Variants in PHGDH observed in about 807,000 individuals in gnomAD.
PHGDH encodes the protein phosphoglycerate dehydrogenase.
PHGDH carries 50 observed loss-of-function variants against 52.6 expected under a neutral mutation model. The ratio of observed to expected loss-of-function variants is 0.95; its 90% CI spans 0.76 to 1.20. The LOEUF is 1.20. PHGDH is among the 50% of genes most tolerant of loss of function. The pLI is 0.00. For synonymous variants in PHGDH, 271 were observed against 280.5 expected, an observed-to-expected ratio of 0.97 and a Z score of 0.34; for missense variants, 630 against 684.6, an observed-to-expected ratio of 0.92 and a Z score of 0.89.
intron 5 of PHGDH, among the ~76,000 whole-genome samples, chr1:119,731,825 A>T (rs587638870): frequency 1.0e-3 from 156 of 152,242 alleles, no homozygotes; most frequent in Non-Finnish European, 6.3e-4. Flanking sequence ...ATGCTTAGCT[A>T]TTCCAAAGAC....
chr1:119,735,492 CAG>C, intron 7 of PHGDH, 49 bp downstream of exon 7: 5 of 1,564,472 alleles, frequency 3.2e-6, no homozygotes, highest in Non-Finnish European at 4.4e-6. Flanking sequence ...AGATAGGGAG[CAG>C]AGAGGCCCAT....
intron 5 of PHGDH, among the ~76,000 whole-genome samples, chr1:119,732,593 C>T (rs74765843): frequency 9.8e-5 from 15 of 152,332 alleles, no homozygotes; most frequent in African/African-American, 3.4e-4. Flanking sequence ...CTCTTCTCTG[C>T]CCTGGTTATC....
intron 3 of PHGDH, among the ~76,000 whole-genome samples, chr1:119,725,789 T>G (rs1037491922): frequency 1.3e-5 from 2 of 152,218 alleles, no homozygotes; most frequent in Non-Finnish European, 2.9e-5. Context: ...GGCATCAGGT[T>G]AAAGGCCTAC....
chr1:119,741,535 G>A (rs1378472105), intron 9 of PHGDH, among the ~76,000 whole-genome samples: 1 of 152,170 alleles, frequency 6.6e-6, no homozygotes, highest in Non-Finnish European at 1.5e-5. Context: ...GCTGAGTTTT[G>A]GAGAGGAGTT....
At chr1:119,741,976 C>G (rs1299201445) in intron 10 of PHGDH, 79 bp downstream of exon 10, 2 of 1,272,840 alleles carry the variant, frequency 1.6e-6, no homozygotes, top group Non-Finnish European at 2.3e-6. Context: ...AGCCCGTTCT[C>G]TGAGCGGAGG....
chr1:119,728,112 T>C (rs1254095712), intron 5 of PHGDH, among the ~76,000 whole-genome samples: 1 of 152,164 alleles, frequency 6.6e-6, no homozygotes, highest in Non-Finnish European at 1.5e-5. Flanking sequence ...AAAATCAAAG[T>C]GCACAGGCTG....
intron 3 of PHGDH, chr1:119,724,438 C>A (rs45488800): frequency 0.11 from 29,611 of 279,800 alleles, 1,795 homozygotes; most frequent in South Asian, 0.13. Flanking sequence ...CAGTTTCCAT[C>A]TGAGCTCTCT....
intron 1 of PHGDH, chr1:119,720,778 T>A (rs587762308): frequency 3.3e-6 from 1 of 299,196 alleles, no homozygotes; most frequent in African/African-American, 2.2e-5. Flanking sequence ...TGTGCAGGAA[T>A]GATAGGGTAT....
intron 6 of PHGDH, chr1:119,734,983 G>C (rs1651868609): frequency 1.6e-6 from 1 of 635,486 alleles, no homozygotes; most frequent in Non-Finnish European, 2.8e-6. Flanking sequence ...CTGGGCACAG[G>C]GACAACCAGT....
chr1:119,717,520 A>T (rs969789519), intron 1 of PHGDH, among the ~76,000 whole-genome samples: 13 of 152,174 alleles, frequency 8.5e-5, no homozygotes, highest in African/African-American at 3.1e-4. Flanking sequence ...TTTAATGCTT[A>T]TATTTTTAAA....
chr1:119,726,183 T>A (rs1320150585), intron 3 of PHGDH, among the ~76,000 whole-genome samples: 1 of 61,366 alleles, frequency 1.6e-5, no homozygotes, highest in Admixed American at 1.7e-4. Context: ...GTGAAGAGTG[T>A]GTGTGTGTGT....
In PHGDH at chr1:119,723,599, C is replaced by G. The variant is rs1356590600; in HGVS notation, c.356+158C>G. The G allele has an allele frequency of 1.4e-5, 10 of 696,628 alleles. No individual in the cohort carries two copies. In the East Asian group the frequency reaches 2.4e-4, roughly 17 times the overall value. 43.2% of individuals were successfully genotyped at this position (696,628 alleles called of 1,614,324 possible). A position where few individuals can be genotyped will look rare whatever the true frequency, so the allele number is the denominator to read the frequency against. ...GCAGACTGCAAAGAACCTTTAAGGC[C>G]ATCAGGTCCTCTATTCAACATTCAT... On this transcript the variant is annotated intron_variant, in intron 3 of 11. Coordinates refer to ENST00000641023, the MANE Select transcript of PHGDH (RefSeq NM_006623.4).
chr1:119,727,576 A>AT, intron 5 of PHGDH: 1 of 196,648 alleles, frequency 5.1e-6, no homozygotes. Flanking sequence ...CACGCCTGTA[A>AT]TCCAGCACTT....
In PHGDH at chr1:119,737,193, C is replaced by A; in HGVS notation, c.872C>A (p.Ala291Asp). 6.2e-7 allele frequency: 1 copy of A among 1,614,062 alleles called. No individual in the cohort carries two copies. Among genetic ancestry groups the A allele is most frequent in the African/African-American group, 1.3e-5 (1 of 75,054 alleles). Reference protein sequence around the residue: ...CPHLGASTKEAQSRCGEEIAV... With the variant: ...CPHLGASTKEDQSRCGEEIAV... ...CACCTGGGTGCCAGCACCAAGGAGGCTCAGAGCCGCTGTGGGGAGGAAATT... is the reference window on the plus strand; with the variant it reads ...CACCTGGGTGCCAGCACCAAGGAGGATCAGAGCCGCTGTGGGGAGGAAATT... Residue 291 changes from alanine to aspartate, a missense_variant, in exon 8 of 12, where the codon GCT (alanine) becomes GAT (aspartate). Ala to Asp is a moderately radical substitution (Grantham distance 126). Coordinates refer to ENST00000641023, the MANE Select transcript of PHGDH (RefSeq NM_006623.4).
At chr1:119,729,941 A>G (rs1250749043) in intron 5 of PHGDH, 1 of 152,154 alleles carries the variant, frequency 6.6e-6, no homozygotes, top group Non-Finnish European at 1.5e-5. Flanking sequence ...TGCTTCCAGA[A>G]CATGCTCTTT....
intron 3 of PHGDH, among the ~76,000 whole-genome samples, chr1:119,724,153 A>G (rs1043636543): frequency 6.6e-6 from 1 of 152,190 alleles, no homozygotes; most frequent in Admixed American, 6.5e-5. Context: ...AACTGATTGC[A>G]TGGAGCACTT....
chr1:119,733,518 A>G lies in PHGDH; in HGVS notation c.511-1116A>G, dbSNP rs893043327. On this transcript the variant is annotated intron_variant, in intron 5 of 11. Transcript: ENST00000641023. ...TTGGCTAGTTTTTTAAATTTTTTGT[A>G]GGGGGGGGGGTCTGACTATGTTTCT... Among the ~76,000 whole-genome samples the G allele has an allele frequency of 4.7e-4, 63 of 133,350 alleles. No homozygotes were observed. In the South Asian group the frequency reaches 5.3e-3, roughly 11 times the overall value. The allele number at this position is 133,350 out of a possible 152,430, so 87.5% of individuals were successfully genotyped here. A position where few individuals can be genotyped will look rare whatever the true frequency, so the allele number is the denominator to read the frequency against.
chr1:119,719,254 A>C (rs887088302), intron 1 of PHGDH, among the ~76,000 whole-genome samples: 2 of 152,200 alleles, frequency 1.3e-5, no homozygotes, highest in African/African-American at 2.4e-5. Context: ...CACCCAGGTC[A>C]TAATCAGTTT....
In PHGDH at chr1:119,741,837, C is replaced by T. The variant is rs145449458; in HGVS notation, c.1149C>T (p.Ser383=). The change falls in exon 10 of 12, where the codon TCC becomes TCT. Residue 383 remains serine (S), a synonymous_variant. Transcript: ENST00000641023. ...TTGTCGGCCTCCTGAAAGAGGCTTC[C>T]AAGCAGGCGGATGTGAACTTGGTGA... ...AVIVGLLKEA[S]KQADVNLVNA... 4.2e-5 allele frequency: 68 copies of T among 1,613,598 alleles called. No individual in the cohort carries two copies. The East Asian group carries it at 1.5e-3, about 35-fold the overall frequency.
Sources: gnomAD v4.1 joint callset for allele counts (sites outside exome capture counted in the v4.1 genomes callset) on GRCh38, gnomAD v4.1.1 for gene constraint, MANE v1.5 for transcripts, NCBI Gene and HGNC (gene_info 2026-07-23, HGNC 2026-07-21) for gene names.